The following FMN1 variants were observed in gnomAD, a reference collection of about 807,000 sequenced individuals.
The protein encoded by FMN1 is formin 1.
In FMN1, 110 loss-of-function variants were observed where a neutral mutation model predicts 132.4. The ratio of observed to expected loss-of-function variants is 0.83; its 90% CI spans 0.71 to 0.97. The LOEUF (loss-of-function observed/expected upper bound fraction) is 0.97. Among genes scored for constraint, FMN1 ranks in the 50% least tolerant of loss-of-function variants. The probability of loss-of-function intolerance (pLI) is 0.00; values close to 1 mark genes in which losing one functional copy is unlikely to be tolerated. For synonymous variants in FMN1, 722 were observed against 651.7 expected (o/e 1.11, Z -1.64); for missense variants, 1,792 against 1,705.3 (o/e 1.05, Z -0.90).
At chr15:32,938,638 T>C (rs2061333391) in intron 9 of FMN1, among the ~76,000 whole-genome samples, 1 of 152,214 alleles carries the variant, frequency 6.6e-6, no homozygotes, top group South Asian at 2.1e-4. Flanking sequence ...ATAGAAATCA[T>C]TCAAATAATA....
chr15:32,790,745 A>G (rs139029197), intron 19 of FMN1, among the ~76,000 whole-genome samples: 112 of 152,302 alleles, frequency 7.4e-4, no homozygotes, highest in African/African-American at 2.5e-3. Flanking sequence ...TTCTTCCTCC[A>G]AACTCTTACA....
intron 6 of FMN1, among the ~76,000 whole-genome samples, chr15:33,030,890 G>T (rs143741178): frequency 0.015 from 2,337 of 152,118 alleles, 51 homozygotes; most frequent in South Asian, 0.089. Flanking sequence ...TATTACATAG[G>T]TATACACGTG....
chr15:33,060,698 C>A (rs556864016), intron 6 of FMN1, among the ~76,000 whole-genome samples: 1 of 152,204 alleles, frequency 6.6e-6, no homozygotes, highest in Non-Finnish European at 1.5e-5. Context: ...AGCCCCAGGC[C>A]AGCTCTGAGA....
In FMN1 at chr15:33,102,829, G is replaced by T. The variant is rs1416350292; in HGVS notation, c.1868-13855C>A. Reference sequence around the variant, plus strand: ...TTTATAATAAAACTTTCTCATATGGGTATTCAGTGTAAAGAAATGTACTTT... The same window carrying T: ...TTTATAATAAAACTTTCTCATATGGTTATTCAGTGTAAAGAAATGTACTTT... On this transcript the variant is annotated intron_variant, in intron 4 of 20. Transcript: ENST00000616417. Among the ~76,000 whole-genome samples the T allele has an allele frequency of 4.6e-5, 7 of 152,136 alleles. 1 individual carries two copies. The East Asian group carries it at 1.4e-3, about 29-fold the overall frequency.
At chr15:32,840,286 CTTTT>C (rs922391703) in intron 17 of FMN1, among the ~76,000 whole-genome samples, 1 of 152,118 alleles carries the variant, frequency 6.6e-6, no homozygotes, top group East Asian at 1.9e-4. Context: ...GAAGAAATGG[CTTTT>C]TTTCTGGAGA....
At chr15:33,104,500 C>CA (rs2039409744) in intron 4 of FMN1, among the ~76,000 whole-genome samples, 1 of 152,004 alleles carries the variant, frequency 6.6e-6, no homozygotes, top group Non-Finnish European at 1.5e-5. Context: ...CACAACCACC[C>CA]TGGTATGTGG....
intron 16 of FMN1, among the ~76,000 whole-genome samples, chr15:32,876,775 G>A (rs1330217995): frequency 6.6e-6 from 1 of 152,176 alleles, no homozygotes; most frequent in Admixed American, 6.5e-5. Flanking sequence ...CTGTCATTAT[G>A]GAGTATGTAG....
intron 17 of FMN1, 73 bp from the exon 18 acceptor site, chr15:32,804,405 A>C (rs1462076167): frequency 2.0e-5 from 9 of 456,760 alleles, no homozygotes; most frequent in African/African-American, 7.9e-5. Context: ...AGCTTCAATT[A>C]CACCCATTCA....
chr15:32,929,149 T>C (rs903424514), intron 9 of FMN1, among the ~76,000 whole-genome samples: 1 of 152,246 alleles, frequency 6.6e-6, no homozygotes, highest in Non-Finnish European at 1.5e-5. Flanking sequence ...GCTGATTTCC[T>C]ACAAAGGGGC....
intron 7 of FMN1, among the ~76,000 whole-genome samples, chr15:32,982,989 T>C (rs1479144401): frequency 6.6e-6 from 1 of 152,122 alleles, no homozygotes; most frequent in Non-Finnish European, 1.5e-5. Flanking sequence ...CATTTTAAAA[T>C]ATTCACATTA....
intron 17 of FMN1, among the ~76,000 whole-genome samples, chr15:32,812,935 T>C (rs563266881): frequency 6.6e-6 from 1 of 152,344 alleles, no homozygotes; most frequent in South Asian, 2.1e-4. Flanking sequence ...AATATACAGT[T>C]GGCCCTCTGT....
intron 6 of FMN1, among the ~76,000 whole-genome samples, chr15:33,026,388 A>G (rs2035671801): frequency 7.6e-6 from 1 of 131,064 alleles, no homozygotes; most frequent in African/African-American, 2.8e-5. Context: ...CTTTATAAAC[A>G]TTAGAGGATA....
At chr15:32,946,244 G>T (rs1189206167) in intron 9 of FMN1, among the ~76,000 whole-genome samples, 1 of 152,072 alleles carries the variant, frequency 6.6e-6, no homozygotes, top group Non-Finnish European at 1.5e-5. Flanking sequence ...AAGCAAGTGC[G>T]TATCATACAC....
intron 6 of FMN1, among the ~76,000 whole-genome samples, chr15:33,015,733 T>C (rs2035007873): frequency 6.6e-6 from 1 of 152,224 alleles, no homozygotes; most frequent in Admixed American, 6.5e-5. Flanking sequence ...CTCTGAATTA[T>C]ACTTGGACGA....
In FMN1 at chr15:32,883,413, G is replaced by A. The variant is rs576455959; in HGVS notation, c.3835+4759C>T. On this transcript the variant is annotated intron_variant, in intron 16 of 20. Coordinates refer to ENST00000616417, the MANE Select transcript of FMN1 (RefSeq NM_001277313.2). ...TAGTCCCAGCTGCTTAGGAGGCTGA[G>A]GTAGGAGGATTGCTGGAGCTCAGAA... 3.3e-5 allele frequency among the ~76,000 whole-genome samples: 5 copies of A among 149,360 alleles called. No individual in the cohort carries two copies. The South Asian group carries it at 1.1e-3, about 32-fold the overall frequency.
At position 33,068,489 on chromosome 15, in the gene FMN1, C is replaced by T. The variant is rs566037291; in HGVS notation, c.2044-3415G>A. ...GGATTATGATCAGAGAGGCCTGGGG[C>T]ATCCAGGCCAAAAAACTAGCAGTAC... is the stretch of plus-strand genomic sequence containing the variant. On this transcript the variant is annotated intron_variant, in intron 5 of 20. Transcript: ENST00000616417. 1.4e-3 allele frequency among the ~76,000 whole-genome samples: 208 copies of T among 152,252 alleles called. 1 individual carries two copies. Among genetic ancestry groups the T allele is most frequent in the African/African-American group, 4.4e-3 (182 of 41,550 alleles).
intron 5 of FMN1, among the ~76,000 whole-genome samples, chr15:33,086,604 TA>T (rs1649617890): frequency 1.3e-5 from 2 of 152,100 alleles, no homozygotes; most frequent in Non-Finnish European, 2.9e-5. Flanking sequence ...AAAAAGAAAG[TA>T]GCTTTTCAAA....
chr15:33,112,572 C>T (rs2039751632), intron 4 of FMN1, among the ~76,000 whole-genome samples: 1 of 152,118 alleles, frequency 6.6e-6, no homozygotes, highest in Non-Finnish European at 1.5e-5. Flanking sequence ...CTTAGTTTAA[C>T]CCCTATCATA....
intron 9 of FMN1, among the ~76,000 whole-genome samples, chr15:32,955,804 C>A (rs927899410): frequency 1.4e-5 from 2 of 138,830 alleles, no homozygotes; most frequent in African/African-American, 6.3e-5. Context: ...GATGTGTGTG[C>A]GTGTGCGTGT....
Sources: gnomAD v4.1 joint callset for allele counts (sites outside exome capture counted in the v4.1 genomes callset) on GRCh38, gnomAD v4.1.1 for gene constraint, MANE v1.5 for transcripts, NCBI Gene and HGNC (gene_info 2026-07-23, HGNC 2026-07-21) for gene names.